ERO1B: variants seen among roughly 807,000 people sequenced by gnomAD.
The protein encoded by ERO1B is ERO1-like protein beta.
A neutral mutation model predicts 75.3 loss-of-function variants in ERO1B; 49 were observed. The ratio of observed to expected loss-of-function variants is 0.65; its 90% CI spans 0.52 to 0.83. The LOEUF is 0.83. Ranked by LOEUF, ERO1B falls within the 40% of genes least tolerant of loss-of-function variation. The pLI, the probability that ERO1B is intolerant of heterozygous loss-of-function variation, is 0.00. For missense variants in ERO1B, 512 were observed against 560.1 expected (o/e 0.91, Z 0.87); for synonymous variants, 191 against 192.9 (o/e 0.99, Z 0.08).
Position 236,232,822 on chromosome 1 carries a change from G to C in ERO1B, c.685+6C>G, listed in dbSNP as rs1454288252. 2 of 1,593,728 alleles carry C rather than the reference G, an allele frequency of 1.3e-6. No homozygotes were observed. The highest frequency in any genetic ancestry group is 2.7e-5 in the African/African-American group (2 of 74,046). Reference sequence around the variant, plus strand: ...CTTGAAACAAACAAACATGAGTTTTGCTCACCATCATCTTCGCCTAAAAGA... The same window carrying C: ...CTTGAAACAAACAAACATGAGTTTTCCTCACCATCATCTTCGCCTAAAAGA... On this transcript the variant is annotated splice_donor_region_variant and intron_variant, in intron 9 of 15. Transcript: ENST00000354619.
chr1:236,251,165 G>A (rs1665016511), intron 4 of ERO1B, among the ~76,000 whole-genome samples: 3 of 151,432 alleles, frequency 2.0e-5, no homozygotes, highest in Admixed American at 2.0e-4. Flanking sequence ...CTGAAAAAAA[G>A]TTTGTAACCT....
intron 2 of ERO1B, among the ~76,000 whole-genome samples, chr1:236,260,942 C>G (rs531040369): frequency 6.6e-6 from 1 of 152,064 alleles, no homozygotes; most frequent in Admixed American, 6.5e-5. Flanking sequence ...AATCCAAGAG[C>G]ATAGTAAAAA....
intron 9 of ERO1B, 116 bp from the exon 10 acceptor site, chr1:236,230,366 C>G (rs1664375210): frequency 1.3e-6 from 1 of 798,216 alleles, no homozygotes; most frequent in Non-Finnish European, 2.0e-6. Context: ...AATCCTAGCA[C>G]TTTGGGAGGC....
chr1:236,246,664 T>C (rs889441059), intron 5 of ERO1B, among the ~76,000 whole-genome samples: 2 of 152,226 alleles, frequency 1.3e-5, no homozygotes, highest in African/African-American at 2.4e-5. Context: ...ATATGTTCTA[T>C]ATCATTCTAT....
chr1:236,267,577 G>A (rs576271091), intron 2 of ERO1B, among the ~76,000 whole-genome samples: 1 of 152,194 alleles, frequency 6.6e-6, no homozygotes, highest in Non-Finnish European at 1.5e-5. Flanking sequence ...GTGAAGAGAT[G>A]GTTTTTGATA....
Position 236,226,833 on chromosome 1 carries a change from G to A in ERO1B, c.713-94C>T. The A allele has an allele frequency of 6.0e-6, 5 of 828,682 alleles. No individual in the cohort carries two copies. The South Asian group carries it at 8.7e-5, about 14-fold the overall frequency. 51.3% of individuals were successfully genotyped at this position (828,682 alleles called of 1,614,324 possible). ...TCAGTATGTAGGCTTATTTTTGATT[G>A]AAGAACATTAAAATAAATCAAGGAA... On this transcript the variant is annotated intron_variant, in intron 10 of 15. Coordinates refer to ENST00000354619, the MANE Select transcript of ERO1B (RefSeq NM_019891.4).
rs183953411 is a variant in ERO1B at position 236,257,049 on chromosome 1, C to G, written c.223-3544G>C. Among the ~76,000 whole-genome samples, 425 of 152,300 alleles carry G rather than the reference C, an allele frequency of 2.8e-3. 2 individuals are homozygous for G. Among genetic ancestry groups the G allele is most frequent in the Middle Eastern group, 3.4e-3 (1 of 294 alleles). ...TGCAAGGAAAGAAGAAACCAAAGCA[C>G]ACATCTAACATCCCAATATCTCTAG... On this transcript the variant is annotated intron_variant, in intron 2 of 15. Transcript: ENST00000354619.
intron 5 of ERO1B, 142 bp downstream of exon 5, chr1:236,249,743 G>A (rs1055474148): frequency 2.0e-5 from 11 of 560,780 alleles, no homozygotes; most frequent in Middle Eastern, 4.7e-4. Flanking sequence ...TGAAATTTAG[G>A]ATAAAGAAAA....
At chr1:236,253,372 TA>T in intron 3 of ERO1B, 49 bp downstream of exon 3, 1 of 1,148,914 alleles carries the variant, frequency 8.7e-7, no homozygotes, top group Non-Finnish European at 1.3e-6. Flanking sequence ...TATGCTTTTC[TA>T]AAAGTCCAAG....
intron 10 of ERO1B, among the ~76,000 whole-genome samples, chr1:236,229,957 G>A (rs77325607): frequency 0.019 from 2,927 of 152,222 alleles, 35 homozygotes; most frequent in Non-Finnish European, 0.029. Context: ...ATTACATACA[G>A]AACAGAAATA....
At chr1:236,244,244 A>C (rs947699032) in intron 5 of ERO1B, among the ~76,000 whole-genome samples, 14 of 152,206 alleles carry the variant, frequency 9.2e-5, no homozygotes, top group African/African-American at 3.4e-4. Flanking sequence ...AAAACTGTAT[A>C]AATCAGGTAT....
chr1:236,268,710 C>T (rs1193733558), intron 2 of ERO1B, among the ~76,000 whole-genome samples: 1 of 151,356 alleles, frequency 6.6e-6, no homozygotes, highest in Non-Finnish European at 1.5e-5. Flanking sequence ...CATGGTGAAA[C>T]CCCGTCTCTA....
At chr1:236,227,803 G>A (rs1664314368) in intron 10 of ERO1B, among the ~76,000 whole-genome samples, 1 of 151,994 alleles carries the variant, frequency 6.6e-6, no homozygotes, top group African/African-American at 2.4e-5. Context: ...CCTCTAACTA[G>A]AAAAAATAAT....
In ERO1B at chr1:236,220,027, T is replaced by TA. The variant is rs1558503946; in HGVS notation, c.1343+804_1343+805insT. 252 of 132,864 alleles carry TA rather than the reference T, an allele frequency of 1.9e-3. 1 individual carries two copies. Among genetic ancestry groups the TA allele is most frequent in the African/African-American group, 7.4e-3 (236 of 31,776 alleles). 8.2% of individuals were successfully genotyped at this position (132,864 alleles called of 1,614,324 possible). ...TGACAGAGCGAGACCCTCATCTCTT[T>TA]TAAAAAAAAAAAAAAAAAAAAAAAA... On this transcript the variant is annotated intron_variant, in intron 15 of 15. Transcript: ENST00000354619.
chr1:236,281,648 C>G, intron 1 of ERO1B, 34 bp downstream of exon 1: 1 of 1,361,012 alleles, frequency 7.3e-7, no homozygotes. Flanking sequence ...GGTGTTCGGC[C>G]GGGGGTTCCC....
intron 9 of ERO1B, among the ~76,000 whole-genome samples, chr1:236,231,500 G>GAAAAAAAA (rs57411768): frequency 1.0e-5 from 1 of 95,894 alleles, no homozygotes. Context: ...TTAAACACTT[G>GAAAAAAAA]AAAAAAAAAA....
Position 236,261,777 on chromosome 1 carries a change from T to TA in ERO1B, c.222+8097dup, listed in dbSNP as rs554447950. Among the ~76,000 whole-genome samples, 311 of 152,080 alleles carry TA rather than the reference T, an allele frequency of 2.0e-3. 4 individuals are homozygous for TA. The highest frequency in any genetic ancestry group is 3.1e-3 in the Non-Finnish European group (209 of 67,978). ...CCTATATCATTTCTTTACAGATACA[T>TA]AAAAAACAATACGGCCAGACACAGC... On this transcript the variant is annotated intron_variant, in intron 2 of 15. Transcript: ENST00000354619.
At chr1:236,265,451 C>G (rs867558763) in intron 2 of ERO1B, among the ~76,000 whole-genome samples, 1 of 152,128 alleles carries the variant, frequency 6.6e-6, no homozygotes, top group East Asian at 1.9e-4. Context: ...CTATATCATA[C>G]GTCACACTCA....
intron 4 of ERO1B, among the ~76,000 whole-genome samples, chr1:236,250,899 G>A (rs1317515581): frequency 6.6e-6 from 1 of 151,864 alleles, no homozygotes; most frequent in African/African-American, 2.4e-5. Context: ...ATGCCTTATG[G>A]TTCAGCAATC....
Sources: allele counts gnomAD v4.1 joint callset (sites outside exome capture counted in the v4.1 genomes callset), GRCh38; gene constraint gnomAD v4.1.1; transcripts MANE v1.5; gene names NCBI Gene and HGNC (gene_info 2026-07-23, HGNC 2026-07-21).